Variants in CHL1 observed in about 807,000 individuals in gnomAD.
CHL1 encodes the protein neural cell adhesion molecule L1-like protein.
A neutral mutation model predicts 141.9 loss-of-function variants in CHL1; 96 were observed. The ratio of observed to expected loss-of-function variants is 0.68; its 90% CI spans 0.57 to 0.80. CHL1 has a LOEUF of 0.80. CHL1 is among the 30% of genes least tolerant of loss of function. The probability of loss-of-function intolerance (pLI) is 0.00; values close to 1 mark genes in which losing one functional copy is unlikely to be tolerated. For synonymous variants in CHL1, 613 were observed against 502.2 expected (o/e 1.22, Z -2.95); for missense variants, 1,820 against 1,457.2 (o/e 1.25, Z -4.05).
chr3:236,875 T>C (rs1692037435), intron 1 of CHL1, among the ~76,000 whole-genome samples: 1 of 126,450 alleles, frequency 7.9e-6, no homozygotes, highest in South Asian at 2.3e-4. Flanking sequence ...AAAATAATCA[T>C]AGACTTTTAG....
intron 1 of CHL1, among the ~76,000 whole-genome samples, chr3:241,255 A>G (rs1692529877): frequency 6.6e-6 from 1 of 152,210 alleles, no homozygotes; most frequent in African/African-American, 2.4e-5. Flanking sequence ...ATGTCATAAA[A>G]TGACATGTCT....
In CHL1 at chr3:233,482, T is replaced by G. The variant is rs147678745; in HGVS notation, c.-174-11131T>G. ...ATACTGTTTTTATTTCTTAGCTTGT[T>G]TATTTTGATGTAAAAAAATGTAACG... On this transcript the variant is annotated intron_variant, in intron 1 of 27. Coordinates refer to ENST00000256509, the MANE Select transcript of CHL1 (RefSeq NM_006614.4). Among the ~76,000 whole-genome samples, 403 of 152,336 alleles carry G rather than the reference T, an allele frequency of 2.6e-3. 1 individual carries two copies. The highest frequency in any genetic ancestry group is 9.3e-3 in the African/African-American group (386 of 41,576).
intron 2 of CHL1, among the ~76,000 whole-genome samples, chr3:284,412 A>C (rs1043084056): frequency 6.6e-6 from 1 of 152,214 alleles, no homozygotes; most frequent in African/African-American, 2.4e-5. Context: ...TTGCTTCTCT[A>C]CCCATATTTG....
At chr3:343,112 CT>C in intron 8 of CHL1, 81 bp downstream of exon 8, 1 of 1,102,374 alleles carries the variant, frequency 9.1e-7, no homozygotes, top group Non-Finnish European at 1.3e-6. Context: ...CTTTAATATC[CT>C]CTTAAGTTTA....
chr3:387,239 T>G (rs1707818586), intron 19 of CHL1, among the ~76,000 whole-genome samples: 1 of 152,206 alleles, frequency 6.6e-6, no homozygotes, highest in African/African-American at 2.4e-5. Context: ...AGGATACACA[T>G]GTACCCCATC....
At chr3:400,298 CA>C (rs1409928250) in intron 26 of CHL1, among the ~76,000 whole-genome samples, 21 of 152,152 alleles carry the variant, frequency 1.4e-4, no homozygotes, top group African/African-American at 5.1e-4. Context: ...TTATGCGTTT[CA>C]CTTTTTTCTC....
intron 2 of CHL1, among the ~76,000 whole-genome samples, chr3:261,131 A>G (rs547083561): frequency 3.3e-5 from 5 of 152,180 alleles, no homozygotes; most frequent in Admixed American, 6.6e-5. Context: ...ACCCTTGATC[A>G]TTGCACAAAA....
At chr3:346,490 C>A (rs1702780266) in intron 9 of CHL1, among the ~76,000 whole-genome samples, 1 of 152,166 alleles carries the variant, frequency 6.6e-6, no homozygotes, top group South Asian at 2.1e-4. Context: ...TTATTTCCCA[C>A]AAATGCCTTC....
At chr3:363,927 T>TC (rs1246078384) in intron 14 of CHL1, 3 of 152,190 alleles carry the variant, frequency 2.0e-5, no homozygotes, top group African/African-American at 7.2e-5. Flanking sequence ...CAGAGAATCT[T>TC]CAAGAAAACA....
In CHL1 at chr3:316,531, G is replaced by A. The variant is rs565049983; in HGVS notation, c.-94-3152G>A. On this transcript the variant is annotated intron_variant, in intron 2 of 27. Transcript: ENST00000256509. Reference sequence around the variant, plus strand: ...ATTAAAATTTAACCCAGTTTACCCAGATTCATAAAAATTAATAGATTTCTT... The same window carrying A: ...ATTAAAATTTAACCCAGTTTACCCAAATTCATAAAAATTAATAGATTTCTT... Among the ~76,000 whole-genome samples, 5 of 151,940 alleles carry A rather than the reference G, an allele frequency of 3.3e-5. No homozygotes were observed. The South Asian group carries it at 1.0e-3, about 32-fold the overall frequency.
At chr3:281,329 A>C (rs79082781) in intron 2 of CHL1, among the ~76,000 whole-genome samples, 1,635 of 152,266 alleles carry the variant, frequency 0.011, 26 homozygotes, top group African/African-American at 0.038. Context: ...CCAGGAGTAC[A>C]ATAGAAAGGG....
intron 3 of CHL1, among the ~76,000 whole-genome samples, chr3:320,774 T>C (rs554230093): frequency 1.7e-4 from 26 of 152,228 alleles, no homozygotes; most frequent in African/African-American, 6.0e-4. Context: ...TGTATAGATC[T>C]TGCAGATTTT....
intron 2 of CHL1, among the ~76,000 whole-genome samples, chr3:305,119 G>C (rs1699112455): frequency 6.6e-6 from 1 of 152,118 alleles, no homozygotes; most frequent in Non-Finnish European, 1.5e-5. Context: ...TTGTGCTAAT[G>C]ATATGTTAGT....
Position 337,185 on chromosome 3 carries a change from G to GTTTT in CHL1, c.386-3607_386-3604dup, listed in dbSNP as rs1159691986. Among the ~76,000 whole-genome samples, 23 of 81,118 alleles carry GTTTT rather than the reference G, an allele frequency of 2.8e-4. 3 individuals are homozygous for GTTTT. Among genetic ancestry groups the GTTTT allele is most frequent in the South Asian group, 3.9e-4 (1 of 2,592 alleles). The allele number at this position is 81,118 out of a possible 152,430, so 53.2% of individuals were successfully genotyped here. ...TAATGGGATTTCCAAACATTCTTTT[G>GTTTT]TTTTTGTTTTTTTTTTTTTTTTTGA... On this transcript the variant is annotated intron_variant, in intron 5 of 27. Coordinates refer to ENST00000256509, the MANE Select transcript of CHL1 (RefSeq NM_006614.4).
At chr3:214,567 T>G (rs1700153728) in intron 1 of CHL1, among the ~76,000 whole-genome samples, 1 of 152,194 alleles carries the variant, frequency 6.6e-6, no homozygotes, top group East Asian at 1.9e-4. Context: ...TAAATCTATT[T>G]TATACATTGC....
intron 3 of CHL1, among the ~76,000 whole-genome samples, chr3:320,528 T>C (rs933682805): frequency 4.6e-5 from 7 of 151,842 alleles, no homozygotes; most frequent in Admixed American, 2.6e-4. Context: ...GTTAAAAAAA[T>C]AGATCAGCAT....
chr3:322,288 G>A (rs1027655497), intron 3 of CHL1, among the ~76,000 whole-genome samples: 2 of 141,290 alleles, frequency 1.4e-5, no homozygotes, highest in Non-Finnish European at 3.0e-5. Flanking sequence ...GATTTATCGG[G>A]CAATAATGAA....
At chr3:401,495 A>T in intron 26 of CHL1, 131 bp from the exon 27 acceptor site, 1 of 584,996 alleles carries the variant, frequency 1.7e-6, no homozygotes, top group Admixed American at 3.8e-5. Flanking sequence ...CCAGAAAAAA[A>T]TATTGCCTCA....
intron 16 of CHL1, among the ~76,000 whole-genome samples, chr3:378,778 C>A (rs540485267): frequency 1.3e-5 from 2 of 152,298 alleles, no homozygotes; most frequent in South Asian, 4.2e-4. Context: ...CTCCTCACAC[C>A]ATTCCTTCTG....
Sources: allele counts gnomAD v4.1 joint callset (sites outside exome capture counted in the v4.1 genomes callset), GRCh38; gene constraint gnomAD v4.1.1; transcripts MANE v1.5; gene names NCBI Gene and HGNC (gene_info 2026-07-23, HGNC 2026-07-21).